The following FYN variants were observed in gnomAD, a reference collection of about 807,000 sequenced individuals.
FYN encodes FYN proto-oncogene, Src family tyrosine kinase.
Under a neutral mutation model 70.2 loss-of-function variants are expected in FYN, and 10 were observed. The observed-to-expected ratio is 0.14, with a 90% CI of 0.09 to 0.24. The LOEUF (loss-of-function observed/expected upper bound fraction) is 0.24, where lower values mean the gene tolerates loss of function less well. Among genes scored for constraint, FYN ranks in the 10% least tolerant of loss-of-function variants. The pLI, the probability that FYN is intolerant of heterozygous loss-of-function variation, is 1.00. For missense variants in FYN, 319 were observed against 673.1 expected, an observed-to-expected ratio of 0.47 and a Z score of 5.82; for synonymous variants, 236 against 248.6, an observed-to-expected ratio of 0.95 and a Z score of 0.48.
chr6:111,741,740 C>T (rs1301301747), intron 3 of FYN, among the ~76,000 whole-genome samples: 1 of 152,186 alleles, frequency 6.6e-6, no homozygotes, highest in East Asian at 1.9e-4. Flanking sequence ...GTATTTTTCA[C>T]TACACTAGTG....
intron 3 of FYN, among the ~76,000 whole-genome samples, chr6:111,776,300 G>T (rs1483415964): frequency 6.6e-6 from 1 of 152,090 alleles, no homozygotes; most frequent in East Asian, 1.9e-4. Context: ...GGACACAAGG[G>T]GTTGCAAATG....
chr6:111,726,412 C>T (rs932765169), intron 3 of FYN, among the ~76,000 whole-genome samples: 1 of 152,168 alleles, frequency 6.6e-6, no homozygotes, highest in Non-Finnish European at 1.5e-5. Flanking sequence ...AATGCTGTCC[C>T]ATTAAAATCT....
At chr6:111,786,665 G>A (rs927694550) in intron 2 of FYN, among the ~76,000 whole-genome samples, 2 of 152,204 alleles carry the variant, frequency 1.3e-5, no homozygotes, top group African/African-American at 4.8e-5. Flanking sequence ...GGTTGAACCA[G>A]TTTATAGTCC....
At chr6:111,807,636 C>G (rs1772190156) in intron 2 of FYN, among the ~76,000 whole-genome samples, 1 of 152,140 alleles carries the variant, frequency 6.6e-6, no homozygotes, top group South Asian at 2.1e-4. Context: ...TTATCAGGTT[C>G]TGCATCCAGT....
At chr6:111,830,832 T>C (rs946200949) in intron 2 of FYN, among the ~76,000 whole-genome samples, 1 of 152,066 alleles carries the variant, frequency 6.6e-6, no homozygotes, top group African/African-American at 2.4e-5. Flanking sequence ...TCTGTCACAT[T>C]TAGACTGATT....
intron 1 of FYN, among the ~76,000 whole-genome samples, chr6:111,866,237 T>C (rs1045719328): frequency 1.3e-5 from 2 of 152,198 alleles, no homozygotes; most frequent in African/African-American, 4.8e-5. Flanking sequence ...ACTATCTCCA[T>C]TTAAAGATGA....
intron 12 of FYN, among the ~76,000 whole-genome samples, chr6:111,678,222 C>A (rs1258581378): frequency 6.6e-6 from 1 of 151,370 alleles, no homozygotes; most frequent in East Asian, 2.0e-4. Flanking sequence ...ACCAAACTCC[C>A]AAGGTAAACT....
chr6:111,703,953 C>T (rs886260100), intron 7 of FYN, 46 bp downstream of exon 7: 4 of 1,436,230 alleles, frequency 2.8e-6, no homozygotes, highest in East Asian at 2.3e-5. Flanking sequence ...TCTGACTAAT[C>T]CACAGATTTG....
At chr6:111,752,490 C>A (rs142543223) in intron 3 of FYN, among the ~76,000 whole-genome samples, 58 of 152,322 alleles carry the variant, frequency 3.8e-4, no homozygotes, top group Middle Eastern at 3.4e-3. Context: ...TGAGGAGAGA[C>A]ATTTTGTTGT....
intron 2 of FYN, among the ~76,000 whole-genome samples, chr6:111,787,431 G>A (rs1771437924): frequency 6.6e-6 from 1 of 152,158 alleles, no homozygotes; most frequent in South Asian, 2.1e-4. Flanking sequence ...CTATATCTCT[G>A]TTTTGGTACC....
At chr6:111,837,706 G>C (rs1773231339) in intron 2 of FYN, among the ~76,000 whole-genome samples, 1 of 152,174 alleles carries the variant, frequency 6.6e-6, no homozygotes, top group Admixed American at 6.5e-5. Flanking sequence ...CTTCACAGTT[G>C]CACCTTACTC....
intron 1 of FYN, among the ~76,000 whole-genome samples, chr6:111,851,319 C>T (rs1194382180): frequency 6.6e-6 from 1 of 152,170 alleles, no homozygotes; most frequent in Non-Finnish European, 1.5e-5. Flanking sequence ...AGGTAATACA[C>T]GCTCATTGAA....
chr6:111,812,257 G>A (rs982550069), intron 2 of FYN, among the ~76,000 whole-genome samples: 3 of 152,240 alleles, frequency 2.0e-5, no homozygotes, highest in Non-Finnish European at 2.9e-5. Flanking sequence ...GGGTGACAAG[G>A]CCTCTGGGAG....
intron 3 of FYN, among the ~76,000 whole-genome samples, chr6:111,726,937 G>C (rs1801216890): frequency 6.6e-6 from 1 of 152,194 alleles, no homozygotes; most frequent in Non-Finnish European, 1.5e-5. Flanking sequence ...TGTGAAGAAG[G>C]TGCCTGCTTC....
chr6:111,857,652 T>C (rs1181190711), intron 1 of FYN, among the ~76,000 whole-genome samples: 2 of 152,234 alleles, frequency 1.3e-5, no homozygotes. Context: ...TTGTGCATGA[T>C]TGAATTCAAC....
chr6:111,797,612 C>T (rs980896603), intron 2 of FYN, among the ~76,000 whole-genome samples: 1 of 138,842 alleles, frequency 7.2e-6, no homozygotes, highest in Non-Finnish European at 1.6e-5. Flanking sequence ...CATTAGAAAA[C>T]AATCACAACT....
At chr6:111,698,503 C>T (rs140515882) in intron 9 of FYN, among the ~76,000 whole-genome samples, 10 of 152,044 alleles carry the variant, frequency 6.6e-5, no homozygotes, top group Admixed American at 2.6e-4. Flanking sequence ...GGGTACTGAT[C>T]GATATTGTTT....
chr6:111,720,839 G>T (rs954206752), intron 3 of FYN, among the ~76,000 whole-genome samples: 1 of 151,728 alleles, frequency 6.6e-6, no homozygotes, highest in Non-Finnish European at 1.5e-5. Flanking sequence ...TTAAAAACTC[G>T]AGTTGTTGCC....
intron 3 of FYN, among the ~76,000 whole-genome samples, chr6:111,775,205 C>A (rs577749100): frequency 6.6e-6 from 1 of 152,146 alleles, no homozygotes; most frequent in Admixed American, 6.5e-5. Flanking sequence ...TGAAAATGTT[C>A]CCCTTAATAA....
Sources: allele counts gnomAD v4.1 joint callset (sites outside exome capture counted in the v4.1 genomes callset), GRCh38; gene constraint gnomAD v4.1.1; transcripts MANE v1.5; gene names NCBI Gene and HGNC (gene_info 2026-07-23, HGNC 2026-07-21).